Variants in NLK observed in about 807,000 individuals in gnomAD.
The protein encoded by NLK is serine/threonine-protein kinase NLK.
NLK carries 11 observed loss-of-function variants against 59.0 expected under a neutral mutation model. The ratio of observed to expected loss-of-function variants is 0.19; its 90% confidence interval spans 0.12 to 0.31. The LOEUF (loss-of-function observed/expected upper bound fraction) is 0.31, where lower values mean the gene tolerates loss of function less well. Ranked by LOEUF, NLK falls within the 10% of genes least tolerant of loss-of-function variation. The probability of loss-of-function intolerance (pLI) is 1.00; values close to 1 mark genes in which losing one functional copy is unlikely to be tolerated. For missense variants in NLK, 410 were observed against 661.1 expected (o/e 0.62, Z 4.16); for synonymous variants, 235 against 235.9 (o/e 1.00, Z 0.03).
At position 28,077,073 on chromosome 17, in the gene NLK, CTTTT is replaced by C. The variant is rs35639099; in HGVS notation, c.458+33764_458+33767del. Reference sequence around the variant, plus strand: ...CTTTGCTTTGTACTTCTCTTTCTTTCTTTTTTTTTTTTTTTTTTTTTTTTTGGCT... The same window carrying C: ...CTTTGCTTTGTACTTCTCTTTCTTTCTTTTTTTTTTTTTTTTTTTTTGGCT... On this transcript the variant is annotated intron_variant, in intron 1 of 10. Transcript: ENST00000407008. Among the ~76,000 whole-genome samples the C allele has an allele frequency of 6.6e-4, 28 of 42,496 alleles. No homozygotes were observed. The South Asian group carries it at 0.016, about 24-fold the overall frequency. 27.9% of individuals were successfully genotyped at this position (42,496 alleles called of 152,430 possible). A position where few individuals can be genotyped will look rare whatever the true frequency, so the allele number is the denominator to read the frequency against.
chr17:28,052,211 T>A (rs917445532), intron 1 of NLK, among the ~76,000 whole-genome samples: 1 of 152,228 alleles, frequency 6.6e-6, no homozygotes. Context: ...TAGTTTCTTA[T>A]AAGTCTTACA....
In NLK at chr17:28,043,177, G is replaced by C; in HGVS notation, c.304G>C (p.Ala102Pro). Residue 102 changes from alanine to proline, a missense_variant, in exon 1 of 11, where the codon GCT becomes CCT. Ala to Pro is a conservative substitution (Grantham distance 27). Transcript: ENST00000407008. The part of the protein sequence containing the change: ...PYFPSPAPGQ[A>P]PGPAAAAPAQ... ...TTTCCCATCACCGGCACCGGGGCAG[G>C]CTCCTGGACCAGCTGCAGCAGCCCC... 1 of 1,613,922 alleles carries C rather than the reference G, an allele frequency of 6.2e-7. No homozygotes were observed. The highest frequency in any genetic ancestry group is 8.5e-7 in the Non-Finnish European group (1 of 1,179,862).
At position 28,138,523 on chromosome 17, in the gene NLK, G is replaced by A. The variant is rs560915902; in HGVS notation, c.644+5848G>A. 2.1e-4 allele frequency among the ~76,000 whole-genome samples: 32 copies of A among 152,310 alleles called. No individual in the cohort carries two copies. The South Asian group carries it at 6.6e-3, about 32-fold the overall frequency. ...TCATAAAGACAGTGAGGAAACCTGT[G>A]TGTCCATTTCAGCCAGTAAGAGTCT... On this transcript the variant is annotated intron_variant, in intron 3 of 10. Transcript: ENST00000407008.
chr17:28,106,920 C>A (rs561039380), intron 1 of NLK, among the ~76,000 whole-genome samples: 1 of 152,096 alleles, frequency 6.6e-6, no homozygotes, highest in African/African-American at 2.4e-5. Flanking sequence ...TGGTTAATCC[C>A]AAAAGGACCT....
Position 28,168,442 on chromosome 17 carries a change from G to T in NLK, c.838-6G>T, listed in dbSNP as rs376160861. Reference sequence around the variant, plus strand: ...TGATAATGTTTTGATTGCCTTTTCTGTCTAGATTTGTGATTTTGGATTGGC... The same window carrying T: ...TGATAATGTTTTGATTGCCTTTTCTTTCTAGATTTGTGATTTTGGATTGGC... On this transcript the variant is annotated splice_region_variant and splice_polypyrimidine_tract_variant and intron_variant, in intron 5 of 10. Coordinates refer to ENST00000407008, the MANE Select transcript of NLK (RefSeq NM_016231.5). 600 of 1,601,946 alleles carry T rather than the reference G, an allele frequency of 3.7e-4. No individual in the cohort carries two copies. Among genetic ancestry groups the T allele is most frequent in the Non-Finnish European group, 4.6e-4 (542 of 1,169,564 alleles).
chr17:28,139,221 C>T (rs1030109122), intron 3 of NLK, among the ~76,000 whole-genome samples: 1 of 152,094 alleles, frequency 6.6e-6, no homozygotes, highest in Non-Finnish European at 1.5e-5. Context: ...TGCACTTCAG[C>T]CTGGGTGACA....
chr17:28,088,893 C>G (rs1460669612), intron 1 of NLK, among the ~76,000 whole-genome samples: 1 of 152,160 alleles, frequency 6.6e-6, no homozygotes, highest in Non-Finnish European at 1.5e-5. Context: ...GGAGTTCATA[C>G]TGATACTTCA....
chr17:28,148,687 C>CA (rs1597710244), intron 3 of NLK, among the ~76,000 whole-genome samples: 1 of 152,130 alleles, frequency 6.6e-6, no homozygotes, highest in East Asian at 1.9e-4. Context: ...AATGAGGTGA[C>CA]CTATGTTAAA....
chr17:28,187,681 A>G (rs567124777), intron 8 of NLK, among the ~76,000 whole-genome samples: 1 of 152,312 alleles, frequency 6.6e-6, no homozygotes, highest in South Asian at 2.1e-4. Flanking sequence ...TTCCTAAGCC[A>G]TAGAGCAAGT....
Position 28,122,741 on chromosome 17 carries a change from AATTGGT to A in NLK, c.588+13_588+18del. The A allele has an allele frequency of 6.2e-7, 1 of 1,613,674 alleles. No individual in the cohort carries two copies. The highest frequency in any genetic ancestry group is 8.5e-7 in the Non-Finnish European group (1 of 1,179,674). ...TTTTTAAGCATGATAATGTAAGTGA[AATTGGT>A]ATTTGGGGGAAACTATTTCCTAAGC... On this transcript the variant is annotated intron_variant, in intron 2 of 10. Coordinates refer to ENST00000407008, the MANE Select transcript of NLK (RefSeq NM_016231.5).
intron 10 of NLK, among the ~76,000 whole-genome samples, chr17:28,193,387 A>G (rs1255918447): frequency 6.6e-6 from 1 of 152,050 alleles, no homozygotes; most frequent in Admixed American, 6.5e-5. Flanking sequence ...GAACTGGTCC[A>G]TCAAAGACTG....
rs74787156 is a variant in NLK, at chr17:28,196,174, T to A, written c.*1538T>A. ...TGGTGCAATATCTTTGTTTTTTTTT[T>A]ATGAGGCTCCTGAGAATCAACCCAA... On this transcript the variant is annotated 3_prime_UTR_variant, in exon 11 of 11. Transcript: ENST00000407008. The A allele has an allele frequency of 2.0e-5, 3 of 152,630 alleles. No individual in the cohort carries two copies. The highest frequency in any genetic ancestry group is 2.1e-4 in the South Asian group (1 of 4,830). 9.5% of individuals were successfully genotyped at this position (152,630 alleles called of 1,614,324 possible).
chr17:28,180,819 A>T (rs552087717), intron 7 of NLK, among the ~76,000 whole-genome samples: 1 of 152,330 alleles, frequency 6.6e-6, no homozygotes. Flanking sequence ...ACTTCACTTT[A>T]CACAATAAAA....
chr17:28,060,499 T>C (rs1289084494), intron 1 of NLK, among the ~76,000 whole-genome samples: 1 of 152,164 alleles, frequency 6.6e-6, no homozygotes, highest in Non-Finnish European at 1.5e-5. Flanking sequence ...CTCTAACTCC[T>C]GAGCTCAGAT....
intron 1 of NLK, among the ~76,000 whole-genome samples, chr17:28,058,908 T>C (rs1363199155): frequency 1.3e-5 from 2 of 152,126 alleles, no homozygotes; most frequent in Non-Finnish European, 2.9e-5. Flanking sequence ...GGTGGATTGC[T>C]TGAGCTCACG....
intron 8 of NLK, among the ~76,000 whole-genome samples, chr17:28,187,061 A>G (rs1466098846): frequency 6.6e-6 from 1 of 152,242 alleles, no homozygotes; most frequent in Non-Finnish European, 1.5e-5. Context: ...CTCCTTTTAT[A>G]TGGTTAACAA....
intron 1 of NLK, among the ~76,000 whole-genome samples, chr17:28,050,262 G>C (rs566683723): frequency 1.3e-5 from 2 of 152,274 alleles, no homozygotes; most frequent in Admixed American, 6.5e-5. Context: ...TCAACCAATG[G>C]GGAAGGGCAG....
chr17:28,145,901 T>G (rs1486003613), intron 3 of NLK, among the ~76,000 whole-genome samples: 1 of 152,080 alleles, frequency 6.6e-6, no homozygotes, highest in Non-Finnish European at 1.5e-5. Context: ...GAGACAGTGT[T>G]TCACTGTGTT....
intron 1 of NLK, among the ~76,000 whole-genome samples, chr17:28,114,208 C>T (rs1281751221): frequency 1.3e-5 from 2 of 152,248 alleles, no homozygotes; most frequent in East Asian, 1.9e-4. Flanking sequence ...GCTCTGAATA[C>T]GCTTGCATGT....
Sources: allele counts gnomAD v4.1 joint callset (sites outside exome capture counted in the v4.1 genomes callset), GRCh38; gene constraint gnomAD v4.1.1; transcripts MANE v1.5; gene names NCBI Gene and HGNC (gene_info 2026-07-23, HGNC 2026-07-21).